The following SLC35F4 variants were observed in gnomAD, a reference collection of about 807,000 sequenced individuals.
The protein encoded by SLC35F4 is chromosome 14 open reading frame 36.
A neutral mutation model predicts 44.2 loss-of-function variants in SLC35F4; 24 were observed. The ratio of observed to expected loss-of-function variants is 0.54; its 90% CI spans 0.39 to 0.76. The LOEUF is 0.76. SLC35F4 is among the 30% of genes least tolerant of loss of function. The pLI, the probability that SLC35F4 is intolerant of heterozygous loss-of-function variation, is 0.00. For missense variants in SLC35F4, 562 were observed against 586.1 expected, an observed-to-expected ratio of 0.96 and a Z score of 0.42; for synonymous variants, 238 against 223.6, an observed-to-expected ratio of 1.06 and a Z score of -0.57.
At chr14:57,904,933 T>C (rs1056257226) in intron 1 of SLC35F4, among the ~76,000 whole-genome samples, 1 of 152,218 alleles carries the variant, frequency 6.6e-6, no homozygotes, top group Non-Finnish European at 1.5e-5. Flanking sequence ...CTATTTTGTG[T>C]CTTTATGACA....
intron 1 of SLC35F4, among the ~76,000 whole-genome samples, chr14:57,843,835 T>C (rs913408563): frequency 5.3e-5 from 8 of 152,226 alleles, no homozygotes; most frequent in African/African-American, 1.9e-4. Context: ...CAGGACATTA[T>C]AACCCCCTGG....
intron 3 of SLC35F4, among the ~76,000 whole-genome samples, chr14:57,582,761 T>C (rs1263052302): frequency 6.6e-6 from 1 of 152,230 alleles, no homozygotes; most frequent in African/African-American, 2.4e-5. Context: ...TAGTTTCTTT[T>C]CCAGTTTTAA....
At chr14:57,955,141 C>A (rs8010535) in intron 1 of SLC35F4, among the ~76,000 whole-genome samples, 2 of 151,828 alleles carry the variant, frequency 1.3e-5, no homozygotes, top group Non-Finnish European at 1.5e-5. Flanking sequence ...GTACAACATA[C>A]GGAAATCAAC....
chr14:57,786,860 A>C (rs543552738), intron 1 of SLC35F4, among the ~76,000 whole-genome samples: 54 of 152,322 alleles, frequency 3.5e-4, no homozygotes, highest in African/African-American at 1.3e-3. Context: ...ATGGCTCTTC[A>C]GCACCCCTCA....
chr14:57,929,887 G>A (rs1191398195), intron 1 of SLC35F4, among the ~76,000 whole-genome samples: 1 of 152,188 alleles, frequency 6.6e-6, no homozygotes, highest in Admixed American at 6.5e-5. Flanking sequence ...TGGGATGGGT[G>A]TCATCAACAC....
chr14:57,703,394 C>A (rs542576435), intron 1 of SLC35F4, among the ~76,000 whole-genome samples: 1 of 152,288 alleles, frequency 6.6e-6, no homozygotes, highest in East Asian at 1.9e-4. Context: ...TAGCACAGGG[C>A]AGGGCTAAGT....
intron 1 of SLC35F4, among the ~76,000 whole-genome samples, chr14:57,790,603 A>T (rs1470085353): frequency 6.6e-6 from 1 of 152,198 alleles, no homozygotes; most frequent in Non-Finnish European, 1.5e-5. Context: ...TCAAGCTACC[A>T]TTGACTTTCT....
intron 1 of SLC35F4, among the ~76,000 whole-genome samples, chr14:57,807,270 C>A (rs909544856): frequency 2.0e-5 from 3 of 149,434 alleles, no homozygotes; most frequent in African/African-American, 7.7e-5. Context: ...CCTTCACATC[C>A]AAAGCCTTCA....
intron 1 of SLC35F4, among the ~76,000 whole-genome samples, chr14:57,849,616 A>G (rs1321325655): frequency 1.3e-5 from 2 of 152,228 alleles, no homozygotes; most frequent in African/African-American, 2.4e-5. Context: ...TTTTAAGAGA[A>G]ATATTCAGAA....
intron 1 of SLC35F4, chr14:57,596,973 G>C (rs924696678): frequency 1.0e-5 from 10 of 991,454 alleles, no homozygotes; most frequent in Non-Finnish European, 1.4e-5. Context: ...GTATTCAGGG[G>C]TTGGGCCATG....
chr14:57,800,201 C>A (rs2078158015), intron 1 of SLC35F4, among the ~76,000 whole-genome samples: 1 of 152,136 alleles, frequency 6.6e-6, no homozygotes, highest in African/African-American at 2.4e-5. Context: ...CGGGTAATAC[C>A]TCCAGGTACA....
chr14:57,681,289 T>C (rs1334236896), intron 1 of SLC35F4, among the ~76,000 whole-genome samples: 1 of 152,026 alleles, frequency 6.6e-6, no homozygotes, highest in East Asian at 1.9e-4. Context: ...CCCTATTTAA[T>C]AAATGGTGTT....
intron 1 of SLC35F4, among the ~76,000 whole-genome samples, chr14:57,889,974 T>G (rs1888727105): frequency 2.0e-5 from 3 of 152,230 alleles, no homozygotes; most frequent in South Asian, 2.1e-4. Flanking sequence ...TCTAGTGTGC[T>G]GGCTGATCAT....
intron 1 of SLC35F4, among the ~76,000 whole-genome samples, chr14:57,778,986 A>C (rs2140731458): frequency 6.6e-6 from 1 of 152,286 alleles, no homozygotes; most frequent in East Asian, 1.9e-4. Context: ...TTAAGAGGGA[A>C]ATTTATAGCA....
chr14:57,951,901 G>C (rs1260942382), intron 1 of SLC35F4, among the ~76,000 whole-genome samples: 1 of 152,216 alleles, frequency 6.6e-6, no homozygotes, highest in African/African-American at 2.4e-5. Context: ...TCTGAAGAGA[G>C]CAGCAGATCT....
In SLC35F4 at chr14:57,865,853, G is replaced by A. The variant is rs963422923; in HGVS notation, c.-28C>T. Reference sequence around the variant, plus strand: ...AGAGCGCGGGGCGACGGCCCCGAGTGCGGCGGGGCGGAGAGCGCAGCGCGG... The same window carrying A: ...AGAGCGCGGGGCGACGGCCCCGAGTACGGCGGGGCGGAGAGCGCAGCGCGG... On this transcript the variant is annotated 5_prime_UTR_variant, in exon 1 of 8. Transcript: ENST00000556826. 3 of 1,462,756 alleles carry A rather than the reference G, an allele frequency of 2.1e-6. No individual in the cohort carries two copies. In the African/African-American group the frequency reaches 4.4e-5, roughly 21 times the overall value. The allele number at this position is 1,462,756 out of a possible 1,614,324, so 90.6% of individuals were successfully genotyped here.
intron 1 of SLC35F4, among the ~76,000 whole-genome samples, chr14:57,958,974 A>C (rs1306813204): frequency 6.6e-6 from 1 of 152,178 alleles, no homozygotes; most frequent in Non-Finnish European, 1.5e-5. Flanking sequence ...CATTCAAAGG[A>C]AAAACAAAGC....
chr14:57,862,403 C>T (rs1490412526), intron 1 of SLC35F4, among the ~76,000 whole-genome samples: 6 of 152,194 alleles, frequency 3.9e-5, no homozygotes, highest in Non-Finnish European at 8.8e-5. Context: ...AGTCACATCA[C>T]TCTTCTCCCA....
chr14:57,952,632 A>T (rs1216580495), intron 1 of SLC35F4, among the ~76,000 whole-genome samples: 2 of 151,952 alleles, frequency 1.3e-5, no homozygotes, highest in East Asian at 3.9e-4. Context: ...CAAAAACTTC[A>T]TGAAGTACAC....
Sources: allele counts gnomAD v4.1 joint callset (sites outside exome capture counted in the v4.1 genomes callset), GRCh38; gene constraint gnomAD v4.1.1; transcripts MANE v1.5; gene names NCBI Gene and HGNC (gene_info 2026-07-23, HGNC 2026-07-21).